The following ZFYVE28 variants were observed in gnomAD, a reference collection of about 807,000 sequenced individuals.
The protein encoded by ZFYVE28 is lateral signaling target protein 2 homolog.
Under a neutral mutation model 82.1 loss-of-function variants are expected in ZFYVE28, and 40 were observed. The ratio of observed to expected loss-of-function variants is 0.49; its 90% CI spans 0.38 to 0.63. The LOEUF is 0.63. Ranked by LOEUF, ZFYVE28 falls within the 30% of genes least tolerant of loss-of-function variation. ZFYVE28 has a pLI of 0.00. For missense variants in ZFYVE28, 1,321 were observed against 1,242.1 expected, an observed-to-expected ratio of 1.06 and a Z score of -0.96; for synonymous variants, 612 against 546.1, an observed-to-expected ratio of 1.12 and a Z score of -1.68.
At chr4:2,382,197 G>C (rs1189550408) in intron 1 of ZFYVE28, among the ~76,000 whole-genome samples, 1 of 152,264 alleles carries the variant, frequency 6.6e-6, no homozygotes, top group Non-Finnish European at 1.5e-5. Flanking sequence ...TGCTAGGGCA[G>C]TGTGGAAGGG....
At chr4:2,384,046 G>T (rs1728995869) in intron 1 of ZFYVE28, among the ~76,000 whole-genome samples, 3 of 152,338 alleles carry the variant, frequency 2.0e-5, no homozygotes, top group Admixed American at 2.0e-4. Flanking sequence ...AGGAAGACAG[G>T]CAAGAGGGTA....
Position 2,408,668 on chromosome 4 carries a change from C to T in ZFYVE28, c.39+9617G>A, listed in dbSNP as rs572480939. On this transcript the variant is annotated intron_variant, in intron 1 of 12. Coordinates refer to ENST00000290974, the MANE Select transcript of ZFYVE28 (RefSeq NM_020972.3). This position sits in a 1 kb window ranked among gnomAD's most constrained non-coding sequence, Gnocchi z 4.3. The stretch of plus-strand genomic sequence containing the variant: ...GGCGCCCCATCCAGATAGAGTCCCG[C>T]CCAGATGAGTACCACCCAGGTAAGC... Among the ~76,000 whole-genome samples the T allele has an allele frequency of 1.3e-5, 2 of 152,260 alleles. No homozygotes were observed. Among genetic ancestry groups the T allele is most frequent in the Non-Finnish European group, 2.9e-5 (2 of 68,010 alleles).
chr4:2,378,198 A>G (rs892809080), intron 1 of ZFYVE28, among the ~76,000 whole-genome samples: 1 of 152,170 alleles, frequency 6.6e-6, no homozygotes, highest in African/African-American at 2.4e-5. Context: ...AAAATTAACC[A>G]GGCACGGTAG....
At chr4:2,342,719 G>A (rs1206527878) in intron 2 of ZFYVE28, 1 of 152,136 alleles carries the variant, frequency 6.6e-6, no homozygotes, top group Non-Finnish European at 1.5e-5. Context: ...CTGTAAATTT[G>A]TCCTATTCTT....
At chr4:2,293,344 C>G in intron 8 of ZFYVE28, among the ~76,000 whole-genome samples, 1 of 152,084 alleles carries the variant, frequency 6.6e-6, no homozygotes, top group Non-Finnish European at 1.5e-5. Context: ...TGAAAACAAG[C>G]AAAACTGCTT....
At chr4:2,354,219 AC>A in intron 1 of ZFYVE28, 146 bp from the exon 2 acceptor site, 1 of 948,810 alleles carries the variant, frequency 1.1e-6, no homozygotes, top group Non-Finnish European at 1.5e-6. Flanking sequence ...AGCTTTCCAC[AC>A]CAGGATCTAG....
At chr4:2,336,444 A>G (rs113505914) in intron 5 of ZFYVE28, among the ~76,000 whole-genome samples, 1 of 152,250 alleles carries the variant, frequency 6.6e-6, no homozygotes, top group African/African-American at 2.4e-5. Flanking sequence ...TCCAAACACC[A>G]TAGTACCACT....
chr4:2,325,379 T>C (rs1252318895), intron 6 of ZFYVE28, among the ~76,000 whole-genome samples: 2 of 152,144 alleles, frequency 1.3e-5, no homozygotes, highest in South Asian at 2.1e-4. Flanking sequence ...AGGCAACTAA[T>C]AATGATTCAA....
chr4:2,300,038 T>C lies in ZFYVE28; in HGVS notation c.2051+4251A>G, dbSNP rs1334263148. On this transcript the variant is annotated intron_variant, in intron 8 of 12. Coordinates refer to ENST00000290974, the MANE Select transcript of ZFYVE28 (RefSeq NM_020972.3). The surrounding 1 kb of genome is among the most constrained non-coding windows in gnomAD (Gnocchi z 4.6). ...GCCTTGAACTCCTGGCCTCAAGCAA[T>C]ACGCCTGCCTCAGCCCCCAAAGTGC... Among the ~76,000 whole-genome samples, 5 of 152,184 alleles carry C rather than the reference T, an allele frequency of 3.3e-5. No homozygotes were observed. The highest frequency in any genetic ancestry group is 1.2e-4 in the African/African-American group (5 of 41,450).
chr4:2,416,026 T>A lies in ZFYVE28; in HGVS notation c.39+2259A>T, dbSNP rs1247598351. Among the ~76,000 whole-genome samples the A allele has an allele frequency of 6.6e-6, 1 of 151,918 alleles. No individual in the cohort carries two copies. The highest frequency in any genetic ancestry group is 1.5e-5 in the Non-Finnish European group (1 of 67,994). The stretch of plus-strand genomic sequence containing the variant: ...AGAAGACAACGAGAAAAAGGAGAGA[T>A]CCACATCAATCCTGTTCCATCCCTT... On this transcript the variant is annotated intron_variant, in intron 1 of 12. Transcript: ENST00000290974. This position sits in a 1 kb window ranked among gnomAD's most constrained non-coding sequence, Gnocchi z 4.6.
At chr4:2,376,758 G>A (rs551538851) in intron 1 of ZFYVE28, among the ~76,000 whole-genome samples, 49 of 152,092 alleles carry the variant, frequency 3.2e-4, no homozygotes, top group Middle Eastern at 6.8e-3. Flanking sequence ...ATTTGGGTGG[G>A]GACACAAAGC....
At chr4:2,364,353 G>A in intron 1 of ZFYVE28, 3 of 774,644 alleles carry the variant, frequency 3.9e-6, no homozygotes, top group Non-Finnish European at 4.7e-6. Flanking sequence ...CACAGGTGTT[G>A]TGGGGCCAGC....
At chr4:2,386,395 G>A (rs147943796) in intron 1 of ZFYVE28, among the ~76,000 whole-genome samples, 2,997 of 152,314 alleles carry the variant, frequency 0.02, 73 homozygotes, top group African/African-American at 0.068. Flanking sequence ...TGAGGCAGGA[G>A]AATGGCGTCA....
rs1020245288 is a variant in ZFYVE28 at position 2,364,577 on chromosome 4, G to A, written c.40-10504C>T. ...AAGGGAATTTAGACGGTCGGCACTGGGCACAGACGCCCGGGTGGGCTCCAG... is the reference window on the plus strand; with the variant it reads ...AAGGGAATTTAGACGGTCGGCACTGAGCACAGACGCCCGGGTGGGCTCCAG... On this transcript the variant is annotated intron_variant, in intron 1 of 12. Coordinates refer to ENST00000290974, the MANE Select transcript of ZFYVE28 (RefSeq NM_020972.3). The A allele has an allele frequency of 1.5e-5, 15 of 985,442 alleles. No homozygotes were observed. The African/African-American group carries it at 2.6e-4, about 17-fold the overall frequency. The allele number at this position is 985,442 out of a possible 1,614,324, so 61.0% of individuals were successfully genotyped here.
chr4:2,270,657 C>CT lies in ZFYVE28; in HGVS notation c.*67dup. The CT allele has an allele frequency of 6.2e-7, 1 of 1,602,800 alleles. No homozygotes were observed. Among genetic ancestry groups the CT allele is most frequent in the South Asian group, 1.1e-5 (1 of 89,540 alleles). On this transcript the variant is annotated 3_prime_UTR_variant, in exon 13 of 13. Coordinates refer to ENST00000290974, the MANE Select transcript of ZFYVE28 (RefSeq NM_020972.3). Reference sequence around the variant, plus strand: ...CCTCATGAGACGCAGTGAGACCTGCCTGCAGCGTGGCCCCACCTTCCTGGG... The same window carrying CT: ...CCTCATGAGACGCAGTGAGACCTGCCTTGCAGCGTGGCCCCACCTTCCTGGG...
At chr4:2,275,120 A>G (rs542269524) in intron 8 of ZFYVE28, among the ~76,000 whole-genome samples, 2 of 151,708 alleles carry the variant, frequency 1.3e-5, no homozygotes, top group Admixed American at 6.6e-5. Flanking sequence ...CTCCCTGGGC[A>G]TCGGTTCTGA....
intron 9 of ZFYVE28, 149 bp downstream of exon 9, chr4:2,273,913 T>A (rs1018696412): frequency 8.0e-6 from 7 of 880,196 alleles, no homozygotes; most frequent in Non-Finnish European, 1.2e-5. Context: ...GCCTTCTCCA[T>A]GAACAGGAGT....
chr4:2,299,297 C>T (rs1715127287), intron 8 of ZFYVE28, among the ~76,000 whole-genome samples: 1 of 152,090 alleles, frequency 6.6e-6, no homozygotes. Flanking sequence ...GCGAAGGGTA[C>T]TCCGTTTTTC....
At chr4:2,342,470 G>C (rs763928809) in intron 2 of ZFYVE28, 1 of 152,136 alleles carries the variant, frequency 6.6e-6, no homozygotes, top group Non-Finnish European at 1.5e-5. Context: ...CATAGCTTAC[G>C]ACAGCCTCAA....
Sources: gnomAD v4.1 joint callset for allele counts (sites outside exome capture counted in the v4.1 genomes callset) on GRCh38, gnomAD v4.1.1 for gene constraint, Gnocchi (gnomAD v3.1) non-coding constraint, MANE v1.5 for transcripts, NCBI Gene and HGNC (gene_info 2026-07-23, HGNC 2026-07-21) for gene names.